Variants in USO1 observed in about 807,000 individuals in gnomAD.
The protein encoded by USO1 is general vesicular transport factor p115.
A neutral mutation model predicts 124.5 loss-of-function variants in USO1; 57 were observed. The observed-to-expected ratio is 0.46, with a 90% CI of 0.37 to 0.57. The LOEUF is 0.57. USO1 is among the 20% of genes least tolerant of loss of function. The pLI is 0.00. For synonymous variants in USO1, 369 were observed against 362.8 expected, an observed-to-expected ratio of 1.02 and a Z score of -0.19; for missense variants, 900 against 1,040.6, an observed-to-expected ratio of 0.86 and a Z score of 1.86.
Position 75,733,522 on chromosome 4 carries a change from G to A in USO1, c.66+8637G>A, listed in dbSNP as rs151083334. ...TTTTTAATAATAGTCATTCTGACTG[G>A]TGGGAGATGGTATTTCACTGTGGTT... On this transcript the variant is annotated intron_variant, in intron 1 of 23. Transcript: ENST00000514213. 1.6e-3 allele frequency among the ~76,000 whole-genome samples: 249 copies of A among 152,280 alleles called. 2 individuals are homozygous for A. The East Asian group carries it at 0.041, about 25-fold the overall frequency.
At chr4:75,736,858 A>G (rs888874102) in intron 1 of USO1, among the ~76,000 whole-genome samples, 8 of 152,184 alleles carry the variant, frequency 5.3e-5, no homozygotes, top group Admixed American at 2.6e-4. Flanking sequence ...TGGTCCTTCT[A>G]AATAAAACAG....
intron 17 of USO1, among the ~76,000 whole-genome samples, chr4:75,803,272 G>A (rs1722904702): frequency 6.6e-6 from 1 of 151,804 alleles, no homozygotes; most frequent in African/African-American, 2.4e-5. Context: ...GTAAATTAAA[G>A]GCTACATAAT....
intron 1 of USO1, among the ~76,000 whole-genome samples, chr4:75,750,773 G>A (rs902296205): frequency 2.2e-4 from 34 of 152,090 alleles, no homozygotes; most frequent in Non-Finnish European, 3.4e-4. Context: ...GTGAGCCACC[G>A]TGCCCATTCT....
chr4:75,770,028 C>T (rs1005796231), intron 4 of USO1: 1 of 152,722 alleles, frequency 6.5e-6, no homozygotes, highest in African/African-American at 2.4e-5. Context: ...TTTTAAGATA[C>T]AACTTATATA....
chr4:75,774,647 C>G (rs1197336852), intron 7 of USO1, 29 bp from the exon 8 acceptor site: 1 of 1,543,046 alleles, frequency 6.5e-7, no homozygotes, highest in Non-Finnish European at 8.7e-7. Flanking sequence ...ATTTTGTACT[C>G]CACTAAACAT....
chr4:75,742,488 T>G (rs1720992033), intron 1 of USO1, among the ~76,000 whole-genome samples: 1 of 152,160 alleles, frequency 6.6e-6, no homozygotes, highest in South Asian at 2.1e-4. Flanking sequence ...GCTGAGGCAT[T>G]TGTTTCTTGT....
chr4:75,762,978 A>G (rs1250085780), intron 4 of USO1, among the ~76,000 whole-genome samples: 1 of 152,218 alleles, frequency 6.6e-6, no homozygotes, highest in Non-Finnish European at 1.5e-5. Flanking sequence ...ATTAACTACC[A>G]GTATAAACGA....
chr4:75,770,592 C>T (rs1402794012), intron 5 of USO1, 53 bp downstream of exon 5: 81 of 1,517,228 alleles, frequency 5.3e-5, no homozygotes, highest in Non-Finnish European at 1.2e-5. Context: ...CTTTTGTTGC[C>T]TTTTGGATGT....
intron 4 of USO1, among the ~76,000 whole-genome samples, chr4:75,768,043 G>T (rs546301478): frequency 1.3e-5 from 2 of 151,984 alleles, no homozygotes; most frequent in South Asian, 2.1e-4. Context: ...TTGGGACAGG[G>T]TCTTACTTTG....
At chr4:75,754,083 A>G (rs796182455) in intron 3 of USO1, among the ~76,000 whole-genome samples, 2 of 137,454 alleles carry the variant, frequency 1.5e-5, no homozygotes, top group African/African-American at 5.4e-5. Flanking sequence ...CACCGCGCCC[A>G]GCCTTTTTTT....
chr4:75,738,884 A>T (rs1304018038), intron 1 of USO1, among the ~76,000 whole-genome samples: 1 of 151,386 alleles, frequency 6.6e-6, no homozygotes, highest in Non-Finnish European at 1.5e-5. Context: ...TTGGAGTCTC[A>T]CCCTGTTGCC....
Position 75,813,205 on chromosome 4 carries a change from G to T in USO1, c.2800-1G>T. ...ATATTAAATACGTCTTTTTCCTCTA[G>T]GTTGAAGAAGAGGATGAACTTGAAT... On this transcript the variant is annotated splice_acceptor_variant, in intron 23 of 23. Coordinates refer to ENST00000514213, the MANE Select transcript of USO1 (RefSeq NM_003715.4). LOFTEE classifies it high-confidence loss of function. 1 of 1,603,980 alleles carries T rather than the reference G, an allele frequency of 6.2e-7. No homozygotes were observed. Among genetic ancestry groups the T allele is most frequent in the Admixed American group, 1.8e-5 (1 of 56,980 alleles).
At chr4:75,757,665 T>C in intron 4 of USO1, 92 bp downstream of exon 4, 1 of 1,189,680 alleles carries the variant, frequency 8.4e-7, no homozygotes, top group Non-Finnish European at 1.1e-6. Flanking sequence ...ACTTGTTTTA[T>C]AAATGTATAA....
intron 8 of USO1, among the ~76,000 whole-genome samples, chr4:75,777,727 A>G (rs1240847737): frequency 6.6e-6 from 1 of 152,220 alleles, no homozygotes; most frequent in Non-Finnish European, 1.5e-5. Flanking sequence ...ACAAAAACAC[A>G]TTTGTTGCTG....
rs538030773 is a variant in USO1, at chr4:75,777,849, A to G, written c.676+3053A>G. Among the ~76,000 whole-genome samples the G allele has an allele frequency of 2.0e-5, 3 of 152,346 alleles. No homozygotes were observed. In the South Asian group the frequency reaches 6.2e-4, roughly 32 times the overall value. ...ACGCTCTTTGGTATTTACCCAAATT[A>G]GTTTAAGACATATTCACACAAACAT... On this transcript the variant is annotated intron_variant, in intron 8 of 23. Transcript: ENST00000514213.
rs543439003 is a variant in USO1 at position 75,757,211 on chromosome 4, A to T, written c.219-286A>T. Among the ~76,000 whole-genome samples, 53 of 152,216 alleles carry T rather than the reference A, an allele frequency of 3.5e-4. No homozygotes were observed. The Middle Eastern group carries it at 0.01, about 29-fold the overall frequency. ...AATATTCTTCGGAAATACATTTTTT[A>T]GCTTCTCAGGATTCAAAGTAAAAAA... On this transcript the variant is annotated intron_variant, in intron 3 of 23. Transcript: ENST00000514213.
chr4:75,756,684 TTAATAGAGACGG>T (rs1721455064), intron 3 of USO1, among the ~76,000 whole-genome samples: 1 of 151,784 alleles, frequency 6.6e-6, no homozygotes, highest in Non-Finnish European at 1.5e-5. Flanking sequence ...TTTTGTATTT[TTAATAGAGACGG>T]GGTTTCTCCG....
intron 17 of USO1, 141 bp downstream of exon 17, chr4:75,801,341 A>G (rs1195931839): frequency 2.0e-6 from 2 of 999,970 alleles, no homozygotes; most frequent in Non-Finnish European, 2.7e-6. Flanking sequence ...TGAGTATTCA[A>G]CAAACAGAGT....
chr4:75,810,289 G>C (rs1723108545), intron 21 of USO1, 143 bp from the exon 22 acceptor site: 1 of 920,146 alleles, frequency 1.1e-6, no homozygotes, highest in Non-Finnish European at 1.5e-6. Context: ...AGAGCACTTT[G>C]TTGCACATAA....
Sources: allele counts gnomAD v4.1 joint callset (sites outside exome capture counted in the v4.1 genomes callset), GRCh38; gene constraint gnomAD v4.1.1; transcripts MANE v1.5; gene names NCBI Gene and HGNC (gene_info 2026-07-23, HGNC 2026-07-21).